Variants in ADAMTS17 observed in about 807,000 individuals in gnomAD.
ADAMTS17 encodes A disintegrin and metalloproteinase with thrombospondin motifs 17.
In ADAMTS17, 113 loss-of-function variants were observed where a neutral mutation model predicts 141.5. The ratio of observed to expected loss-of-function variants is 0.80; its 90% CI spans 0.69 to 0.93. ADAMTS17 has a LOEUF of 0.93. Ranked by LOEUF, ADAMTS17 falls within the 40% of genes least tolerant of loss-of-function variation. The pLI, the probability that ADAMTS17 is intolerant of heterozygous loss-of-function variation, is 0.00. For synonymous variants in ADAMTS17, 768 were observed against 630.6 expected, an observed-to-expected ratio of 1.22 and a Z score of -3.27; for missense variants, 1,659 against 1,517.9, an observed-to-expected ratio of 1.09 and a Z score of -1.54.
At chr15:100,140,488 C>CTATATATATATATAT (rs1555460753) in intron 10 of ADAMTS17, among the ~76,000 whole-genome samples, 1 of 124,936 alleles carries the variant, frequency 8.0e-6, no homozygotes, top group Non-Finnish European at 1.8e-5. Flanking sequence ...CACATACATA[C>CTATATATATATATAT]ATATATATAT....
intron 3 of ADAMTS17, among the ~76,000 whole-genome samples, chr15:100,321,713 T>C (rs1022837208): frequency 6.6e-6 from 1 of 152,112 alleles, no homozygotes; most frequent in South Asian, 2.1e-4. Context: ...CAGAGATCAA[T>C]AGAATTAAAA....
intron 7 of ADAMTS17, among the ~76,000 whole-genome samples, chr15:100,222,853 C>A (rs1440262455): frequency 2.0e-5 from 3 of 152,120 alleles, no homozygotes; most frequent in Non-Finnish European, 4.4e-5. Context: ...ACGGACCAGG[C>A]AGGAAGCCTA....
At chr15:100,024,555 T>C (rs1372618718) in intron 18 of ADAMTS17, among the ~76,000 whole-genome samples, 1 of 151,634 alleles carries the variant, frequency 6.6e-6, no homozygotes, top group Non-Finnish European at 1.5e-5. Context: ...CAGGGAGGAG[T>C]GCTTGGATCT....
In ADAMTS17 at chr15:100,053,905, G is replaced by T. The variant is rs748415243; in HGVS notation, c.2287C>A (p.His763Asn). 1.4e-5 allele frequency: 22 copies of T among 1,614,084 alleles called. No individual in the cohort carries two copies. The East Asian group carries it at 3.3e-4, about 25-fold the overall frequency. Residue 763 changes from histidine to asparagine, a missense_variant, in exon 16 of 22, where the codon CAC (histidine) becomes AAC (asparagine). Physicochemically the swap from His to Asn is moderately conservative, Grantham distance 68. Coordinates refer to ENST00000268070, the MANE Select transcript of ADAMTS17 (RefSeq NM_139057.4). ...GAAGCCCAGCAAGTTACCATCAAGT[G>T]CAGCGGTAGTTTGGTTGGTCCCTTG... ...SAKGPTKLPL[H>N]LMVLLFHDQD...
intron 15 of ADAMTS17, among the ~76,000 whole-genome samples, chr15:100,057,085 C>G (rs545689682): frequency 6.6e-6 from 1 of 152,000 alleles, no homozygotes; most frequent in African/African-American, 2.4e-5. Flanking sequence ...ACGGTCATTC[C>G]TGATCCTCAG....
chr15:100,095,845 G>A (rs1567164652), intron 15 of ADAMTS17, among the ~76,000 whole-genome samples: 1 of 152,324 alleles, frequency 6.6e-6, no homozygotes, highest in East Asian at 1.9e-4. Context: ...AGGAATGTCT[G>A]CCCCTGGGGA....
intron 8 of ADAMTS17, among the ~76,000 whole-genome samples, chr15:100,177,824 A>G (rs2040389578): frequency 6.6e-6 from 1 of 152,050 alleles, no homozygotes; most frequent in South Asian, 2.1e-4. Flanking sequence ...TGTTTCATGT[A>G]TTTTGAATCT....
chr15:99,998,702 G>C (rs1390144437), intron 18 of ADAMTS17, among the ~76,000 whole-genome samples: 1 of 152,222 alleles, frequency 6.6e-6, no homozygotes, highest in East Asian at 1.9e-4. Flanking sequence ...GCGCTGGAAA[G>C]CAGCTGAGCA....
At chr15:100,044,758 A>C (rs1596292667) in intron 18 of ADAMTS17, among the ~76,000 whole-genome samples, 1 of 152,084 alleles carries the variant, frequency 6.6e-6, no homozygotes. Context: ...ACTAATCAAC[A>C]GCAGCACTGC....
chr15:100,109,260 C>CCAGCTCCTCTAAACACGCGGCA lies in ADAMTS17; in HGVS notation c.1889-145_1889-144insTGCCGCGTGTTTAGAGGAGCTG, dbSNP rs142688382. 0.51 allele frequency: 586,830 copies of CCAGCTCCTCTAAACACGCGGCA among 1,162,038 alleles called. 153,708 individuals are homozygous for CCAGCTCCTCTAAACACGCGGCA. Among genetic ancestry groups the CCAGCTCCTCTAAACACGCGGCA allele is most frequent in the South Asian group, 0.62 (44,295 of 71,824 alleles). 72.0% of individuals were successfully genotyped at this position (1,162,038 alleles called of 1,614,324 possible). A position where few individuals can be genotyped will look rare whatever the true frequency, so the allele number is the denominator to read the frequency against. ...AGGTGCATGAGCTCAGGTACGCGCT[C>CCAGCTCCTCTAAACACGCGGCA]CAGGAAGCGGAAAAAGACCCACAGC... On this transcript the variant is annotated intron_variant, in intron 13 of 21. Transcript: ENST00000268070.
intron 12 of ADAMTS17, among the ~76,000 whole-genome samples, chr15:100,123,204 G>A (rs973202094): frequency 7.2e-5 from 11 of 152,214 alleles, no homozygotes; most frequent in African/African-American, 2.4e-4. Context: ...AGCAACCGGA[G>A]AGACCACCCT....
rs561999651 is a variant in ADAMTS17 at position 100,264,379 on chromosome 15, C to G, written c.790-1944G>C. ...GGATCTAAACTGGTAAATTTCAGTT[C>G]AAAACATGAAAATTAGGAAGAATGA... On this transcript the variant is annotated intron_variant, in intron 4 of 21. Coordinates refer to ENST00000268070, the MANE Select transcript of ADAMTS17 (RefSeq NM_139057.4). Among the ~76,000 whole-genome samples, 4 of 152,154 alleles carry G rather than the reference C, an allele frequency of 2.6e-5. No individual in the cohort carries two copies. In the East Asian group the frequency reaches 7.7e-4, roughly 29 times the overall value.
At chr15:100,056,215 G>A (rs1193546934) in intron 15 of ADAMTS17, among the ~76,000 whole-genome samples, 3 of 152,224 alleles carry the variant, frequency 2.0e-5, no homozygotes, top group Non-Finnish European at 2.9e-5. Flanking sequence ...GGCAAAGGGT[G>A]CATGGACGTT....
At chr15:100,219,885 T>G (rs1450365409) in intron 7 of ADAMTS17, among the ~76,000 whole-genome samples, 3 of 152,198 alleles carry the variant, frequency 2.0e-5, no homozygotes, top group African/African-American at 7.2e-5. Context: ...TACTTTCCAC[T>G]GAGCATTCTT....
chr15:100,051,698 G>A lies in ADAMTS17; in HGVS notation c.2329C>T (p.His777Tyr). Residue 777 changes from histidine to tyrosine, a missense_variant, in exon 17 of 22, where the codon CAT (histidine) becomes TAT (tyrosine). Physicochemically the swap from His to Tyr is moderately conservative, Grantham distance 83. Transcript: ENST00000268070. ...TTTACAGGAACAGTGTATTCATAAT[G>A]AATTCCATAATCTTGGTCGTGAAAT... ...LLFHDQDYGI[H>Y]YEYTVPVNRT... The A allele has an allele frequency of 1.2e-6, 2 of 1,614,144 alleles. No individual in the cohort carries two copies. Among genetic ancestry groups the A allele is most frequent in the Non-Finnish European group, 1.7e-6 (2 of 1,180,030 alleles).
At chr15:100,245,424 C>G (rs924543124) in intron 7 of ADAMTS17, among the ~76,000 whole-genome samples, 4 of 152,254 alleles carry the variant, frequency 2.6e-5, no homozygotes, top group Non-Finnish European at 4.4e-5. Flanking sequence ...CTCTTGCTTT[C>G]CAGCCCAAAA....
intron 18 of ADAMTS17, among the ~76,000 whole-genome samples, chr15:100,037,731 C>T (rs553451601): frequency 6.6e-6 from 1 of 152,078 alleles, no homozygotes; most frequent in South Asian, 2.1e-4. Flanking sequence ...ATATAAGTTC[C>T]TTATCAGATA....
intron 18 of ADAMTS17, among the ~76,000 whole-genome samples, chr15:100,011,152 C>T (rs970786729): frequency 1.3e-5 from 2 of 150,416 alleles, no homozygotes; most frequent in African/African-American, 4.9e-5. Context: ...TTAATTAGTT[C>T]AACCCCAAGA....
chr15:100,265,515 G>C (rs1335740690), intron 4 of ADAMTS17, among the ~76,000 whole-genome samples: 1 of 152,210 alleles, frequency 6.6e-6, no homozygotes, highest in Non-Finnish European at 1.5e-5. Context: ...GGGCCTAGCA[G>C]GGTGGACCTG....
Sources: gnomAD v4.1 joint callset for allele counts (sites outside exome capture counted in the v4.1 genomes callset) on GRCh38, gnomAD v4.1.1 for gene constraint, MANE v1.5 for transcripts, NCBI Gene and HGNC (gene_info 2026-07-23, HGNC 2026-07-21) for gene names.